IL1RAP: variants seen among roughly 807,000 people sequenced by gnomAD.
The protein encoded by IL1RAP is interleukin 1 receptor accessory protein, also known as interleukin-1 receptor accessory protein.
Under a neutral mutation model 60.7 loss-of-function variants are expected in IL1RAP, and 35 were observed. The observed-to-expected ratio is 0.58, with a 90% CI of 0.44 to 0.76. The LOEUF is 0.76. IL1RAP is among the 30% of genes least tolerant of loss of function. IL1RAP has a pLI of 0.00. For synonymous variants in IL1RAP, 268 were observed against 250.9 expected (o/e 1.07, Z -0.64); for missense variants, 572 against 693.9 (o/e 0.82, Z 1.97).
At chr3:190,581,401 C>T (rs1046065628) in intron 3 of IL1RAP, among the ~76,000 whole-genome samples, 7 of 152,132 alleles carry the variant, frequency 4.6e-5, no homozygotes, top group African/African-American at 1.7e-4. Flanking sequence ...GCCTAGAAAC[C>T]ACACACTTGG....
chr3:190,600,757 T>G (rs149262258), intron 3 of IL1RAP, among the ~76,000 whole-genome samples: 26 of 152,300 alleles, frequency 1.7e-4, no homozygotes, highest in African/African-American at 5.5e-4. Context: ...CCATAAATAG[T>G]GGGTGAACAG....
intron 3 of IL1RAP, among the ~76,000 whole-genome samples, chr3:190,579,370 G>A (rs895702192): frequency 2.0e-5 from 3 of 152,004 alleles, no homozygotes; most frequent in African/African-American, 7.3e-5. Context: ...GTATTAAAAT[G>A]GTTATATTAT....
intron 3 of IL1RAP, among the ~76,000 whole-genome samples, chr3:190,601,964 A>G (rs1729899217): frequency 6.6e-6 from 1 of 152,098 alleles, no homozygotes; most frequent in South Asian, 2.1e-4. Context: ...CACACACCAC[A>G]CAATCACTTT....
intron 5 of IL1RAP, among the ~76,000 whole-genome samples, chr3:190,611,412 A>G (rs916609289): frequency 3.3e-5 from 5 of 152,124 alleles, no homozygotes; most frequent in African/African-American, 1.2e-4. Flanking sequence ...ACTATGTGAA[A>G]CTCTATGGGC....
chr3:190,574,001 T>C lies in IL1RAP; in HGVS notation c.64+9648T>C, dbSNP rs139618915. 5.9e-5 allele frequency among the ~76,000 whole-genome samples: 9 copies of C among 152,288 alleles called. No homozygotes were observed. The East Asian group carries it at 1.5e-3, about 26-fold the overall frequency. ...AAAAATTGAATGAACTTACCTAATA[T>C]CACTATAGAAGTAAGTGGTAAAATT... On this transcript the variant is annotated intron_variant, in intron 3 of 11. Transcript: ENST00000447382.
rs77428413 is a variant in IL1RAP, at chr3:190,546,434, C to G, written c.-88-9696C>G. ...TCCTACTCTCTACCACATTAAAATGCAAGTAATTCCTTCCCCACAGCATGC... is the reference window on the plus strand; with the variant it reads ...TCCTACTCTCTACCACATTAAAATGGAAGTAATTCCTTCCCCACAGCATGC... On this transcript the variant is annotated intron_variant, in intron 1 of 11. Transcript: ENST00000447382. Among the ~76,000 whole-genome samples the G allele has an allele frequency of 8.4e-3, 1,282 of 152,298 alleles. 27 individuals are homozygous for G. Among genetic ancestry groups the G allele is most frequent in the African/African-American group, 0.03 (1,248 of 41,564 alleles).
At chr3:190,571,533 A>T (rs1240185105) in intron 3 of IL1RAP, among the ~76,000 whole-genome samples, 1 of 152,176 alleles carries the variant, frequency 6.6e-6, no homozygotes, top group East Asian at 1.9e-4. Flanking sequence ...CTCAAAAAAA[A>T]GTACAACTAT....
chr3:190,577,296 A>G (rs943299408), intron 3 of IL1RAP, among the ~76,000 whole-genome samples: 1 of 152,200 alleles, frequency 6.6e-6, no homozygotes, highest in Non-Finnish European at 1.5e-5. Flanking sequence ...ACCTTTACCA[A>G]CTGTGGCAGT....
chr3:190,630,353 GATGTTTTCA>G (rs1485161335), intron 9 of IL1RAP: 1 of 245,568 alleles, frequency 4.1e-6, no homozygotes, highest in Non-Finnish European at 6.5e-6. Flanking sequence ...TCCCTTCAAG[GATGTTTTCA>G]ATGGTCTTGA....
chr3:190,574,078 G>T (rs1727237975), intron 3 of IL1RAP, among the ~76,000 whole-genome samples: 7 of 152,062 alleles, frequency 4.6e-5, no homozygotes, highest in Admixed American at 3.9e-4. Context: ...ACACCATGCT[G>T]CCACTGAGTT....
chr3:190,514,164 C>A lies in IL1RAP; in HGVS notation c.-144C>A, dbSNP rs1721291749. The A allele has an allele frequency of 6.6e-6, 1 of 152,246 alleles. No homozygotes were observed. The highest frequency in any genetic ancestry group is 2.4e-5 in the African/African-American group (1 of 41,452). 9.4% of individuals were successfully genotyped at this position (152,246 alleles called of 1,614,324 possible). A position where few individuals can be genotyped will look rare whatever the true frequency, so the allele number is the denominator to read the frequency against. On this transcript the variant is annotated 5_prime_UTR_variant, in exon 1 of 12. Coordinates refer to ENST00000447382, the MANE Select transcript of IL1RAP (RefSeq NM_002182.4). ...AGGCGCGGAAGGAAGCAGTGCCCGGCGACACTGCACCCATCCCGGCTGCTT... is the reference window on the plus strand; with the variant it reads ...AGGCGCGGAAGGAAGCAGTGCCCGGAGACACTGCACCCATCCCGGCTGCTT...
intron 9 of IL1RAP, chr3:190,630,379 T>A: frequency 7.6e-6 from 1 of 132,172 alleles, no homozygotes; most frequent in Non-Finnish European, 1.4e-5. Context: ...TTGAGAAAAG[T>A]AATGATGAGT....
At chr3:190,526,935 C>T (rs955859907) in intron 1 of IL1RAP, among the ~76,000 whole-genome samples, 4 of 152,306 alleles carry the variant, frequency 2.6e-5, no homozygotes, top group African/African-American at 7.2e-5. Flanking sequence ...TCTGAAAGGC[C>T]CTCTTATAGG....
At chr3:190,569,636 A>G (rs1018208940) in intron 3 of IL1RAP, among the ~76,000 whole-genome samples, 2 of 149,596 alleles carry the variant, frequency 1.3e-5, no homozygotes, top group African/African-American at 5.0e-5. Context: ...CTTATATTTT[A>G]GTTACTTATA....
In IL1RAP at chr3:190,648,863, T is replaced by G. The variant is rs748183454; in HGVS notation, c.*158T>G. On this transcript the variant is annotated 3_prime_UTR_variant, in exon 12 of 12. Coordinates refer to ENST00000447382, the MANE Select transcript of IL1RAP (RefSeq NM_002182.4). ...GTGACTGTGTGGCTGACTATTCTGC[T>G]TCCTCAGGCAACACTAAAGTTTAGA... The G allele has an allele frequency of 7.0e-7, 1 of 1,418,796 alleles. No individual in the cohort carries two copies. Among genetic ancestry groups the G allele is most frequent in the Non-Finnish European group, 9.2e-7 (1 of 1,088,296 alleles). 87.9% of individuals were successfully genotyped at this position (1,418,796 alleles called of 1,614,324 possible). A position where few individuals can be genotyped will look rare whatever the true frequency, so the allele number is the denominator to read the frequency against.
chr3:190,565,620 C>T (rs1726317224), intron 3 of IL1RAP, among the ~76,000 whole-genome samples: 1 of 152,188 alleles, frequency 6.6e-6, no homozygotes, highest in Non-Finnish European at 1.5e-5. Context: ...TGGGGCTTCA[C>T]AGAGGAATGG....
In IL1RAP at chr3:190,609,167, A is replaced by G; in HGVS notation, c.523A>G (p.Ile175Val). Residue 175 changes from isoleucine to valine, a missense_variant, in exon 5 of 12, where the codon ATC (isoleucine) becomes GTC (valine). By Grantham distance (29) the Ile-to-Val change is conservative (BLOSUM62 3). Coordinates refer to ENST00000447382, the MANE Select transcript of IL1RAP (RefSeq NM_002182.4). Reference protein sequence around the residue: ...GYFPSSVKPTITWYMGCYKIQ... With the variant: ...GYFPSSVKPTVTWYMGCYKIQ... Reference sequence around the variant, plus strand: ...TTTTCCTTCCAGTGTCAAACCGACTATCACTTGGTATATGGTAAGGAAAAT... The same window carrying G: ...TTTTCCTTCCAGTGTCAAACCGACTGTCACTTGGTATATGGTAAGGAAAAT... 1 of 1,609,426 alleles carries G rather than the reference A, an allele frequency of 6.2e-7. No individual in the cohort carries two copies. The highest frequency in any genetic ancestry group is 8.5e-7 in the Non-Finnish European group (1 of 1,177,222).
At chr3:190,621,350 A>G (rs368980253) in intron 6 of IL1RAP, among the ~76,000 whole-genome samples, 69 of 152,220 alleles carry the variant, frequency 4.5e-4, no homozygotes, top group Non-Finnish European at 6.5e-4. Flanking sequence ...TGCAAATAGT[A>G]TTCAAACAAT....
intron 1 of IL1RAP, among the ~76,000 whole-genome samples, chr3:190,544,261 G>A (rs1040921444): frequency 6.6e-6 from 1 of 152,256 alleles, no homozygotes; most frequent in African/African-American, 2.4e-5. Flanking sequence ...TTTCTGGATG[G>A]TGTCTTATGT....
Sources: gnomAD v4.1 joint callset for allele counts (sites outside exome capture counted in the v4.1 genomes callset) on GRCh38, gnomAD v4.1.1 for gene constraint, MANE v1.5 for transcripts, NCBI Gene and HGNC (gene_info 2026-07-23, HGNC 2026-07-21) for gene names.